Variants in DHRSX observed in about 807,000 individuals in gnomAD.
DHRSX encodes the protein dehydrogenase/reductase X-linked.
In DHRSX, 31 loss-of-function variants were observed where a neutral mutation model predicts 34.0. That is an observed-to-expected ratio of 0.91 (90% confidence interval 0.69 to 1.23). The LOEUF is 1.23. DHRSX is among the 50% of genes most tolerant of loss of function. DHRSX has a pLI of 0.00. For synonymous variants in DHRSX, 201 were observed against 183.8 expected, an observed-to-expected ratio of 1.09 and a Z score of -0.76; for missense variants, 414 against 428.1, an observed-to-expected ratio of 0.97 and a Z score of 0.29.
At chrX:2,499,544 G>A (rs1281148377) in intron 1 of DHRSX, among the ~76,000 whole-genome samples, 1 of 152,174 alleles carries the variant, frequency 6.6e-6, no homozygotes, top group South Asian at 2.1e-4. Context: ...GCCCAGACTG[G>A]AGGATTGCTG....
At chrX:2,282,433 G>C (rs1393996789) in intron 4 of DHRSX, among the ~76,000 whole-genome samples, 6 of 149,368 alleles carry the variant, frequency 4.0e-5, no homozygotes, top group African/African-American at 7.4e-5. Context: ...GGAAGGCAAA[G>C]GAGAGAGGAG....
chrX:2,431,822 G>C (rs746758305), intron 1 of DHRSX, among the ~76,000 whole-genome samples: 1 of 152,204 alleles, frequency 6.6e-6, no homozygotes, highest in South Asian at 2.1e-4. Context: ...CCTGGGTGAC[G>C]GGATCCTTGT....
At chrX:2,395,787 C>T (rs192912692) in intron 3 of DHRSX, among the ~76,000 whole-genome samples, 5 of 152,204 alleles carry the variant, frequency 3.3e-5, no homozygotes, top group Non-Finnish European at 7.4e-5. Flanking sequence ...AGTTCTTGTC[C>T]CATGACCTGG....
chrX:2,468,205 C>T (rs1016982450), intron 1 of DHRSX, among the ~76,000 whole-genome samples: 1 of 152,122 alleles, frequency 6.6e-6, no homozygotes, highest in Admixed American at 6.6e-5. Context: ...GGCTGGGGAG[C>T]TGCAGTTCCA....
chrX:2,260,707 C>T (rs945678264), intron 5 of DHRSX, among the ~76,000 whole-genome samples: 1 of 152,012 alleles, frequency 6.6e-6, no homozygotes, highest in Non-Finnish European at 1.5e-5. Context: ...GTGATCTGCT[C>T]ACCTTGGCCT....
intron 1 of DHRSX, among the ~76,000 whole-genome samples, chrX:2,469,585 G>A (rs190848312): frequency 6.6e-6 from 1 of 151,188 alleles, no homozygotes; most frequent in Non-Finnish European, 1.5e-5. Context: ...CACTGAAGAC[G>A]TTCCCTAAGC....
At chrX:2,314,436 A>AG (rs1431399662) in intron 3 of DHRSX, among the ~76,000 whole-genome samples, 2 of 99,236 alleles carry the variant, frequency 2.0e-5, no homozygotes, top group African/African-American at 8.9e-5. Flanking sequence ...GGGAGAAGGG[A>AG]GGAAGGAAGG....
chrX:2,262,417 C>T (rs1345017243), intron 5 of DHRSX, among the ~76,000 whole-genome samples: 1 of 152,056 alleles, frequency 6.6e-6, no homozygotes, highest in Non-Finnish European at 1.5e-5. Context: ...TGGCACGCAC[C>T]TCACCTGTGT....
At chrX:2,223,548 C>T (rs764956608) in intron 6 of DHRSX, among the ~76,000 whole-genome samples, 1 of 151,988 alleles carries the variant, frequency 6.6e-6, no homozygotes, top group East Asian at 1.9e-4. Context: ...CCGTGTCTTG[C>T]CCTGGGCATC....
chrX:2,462,184 C>CAA (rs11358005), intron 1 of DHRSX, among the ~76,000 whole-genome samples: 5 of 119,306 alleles, frequency 4.2e-5, no homozygotes, highest in African/African-American at 3.1e-5. Context: ...ATTAGTGCCT[C>CAA]AAAAAAAAAA....
At chrX:2,381,861 C>A (rs1238559226) in intron 3 of DHRSX, among the ~76,000 whole-genome samples, 9 of 139,794 alleles carry the variant, frequency 6.4e-5, no homozygotes, top group Non-Finnish European at 3.1e-5. Context: ...TTCCTGAAAA[C>A]TTCCAGCCTG....
intron 5 of DHRSX, among the ~76,000 whole-genome samples, chrX:2,252,788 T>C (rs1464797231): frequency 1.3e-5 from 2 of 151,986 alleles, no homozygotes; most frequent in Admixed American, 1.3e-4. Flanking sequence ...GGGTTAGGGA[T>C]GAAGAAATAT....
At chrX:2,442,130 G>A (rs1430450092) in intron 1 of DHRSX, among the ~76,000 whole-genome samples, 1 of 152,012 alleles carries the variant, frequency 6.6e-6, no homozygotes, top group Non-Finnish European at 1.5e-5. Context: ...ATTATATACT[G>A]CATTCTTACA....
At chrX:2,360,359 C>T (rs751521855) in intron 3 of DHRSX, among the ~76,000 whole-genome samples, 45 of 152,092 alleles carry the variant, frequency 3.0e-4, no homozygotes, top group East Asian at 9.7e-4. Context: ...CCAAGGTGGG[C>T]GGATCACGAG....
chrX:2,271,734 C>T (rs1250742368), intron 4 of DHRSX, among the ~76,000 whole-genome samples: 1 of 152,076 alleles, frequency 6.6e-6, no homozygotes, highest in African/African-American at 2.4e-5. Flanking sequence ...TCAGAATTCA[C>T]CTCAGGAGTT....
chrX:2,449,389 G>C (rs1031130541), intron 1 of DHRSX, among the ~76,000 whole-genome samples: 4 of 152,148 alleles, frequency 2.6e-5, no homozygotes, highest in Admixed American at 6.5e-5. Flanking sequence ...TACATGCAAG[G>C]TGCACTGAGA....
At chrX:2,368,186 T>C (rs1021357433) in intron 3 of DHRSX, among the ~76,000 whole-genome samples, 1 of 150,046 alleles carries the variant, frequency 6.7e-6, no homozygotes, top group Admixed American at 6.7e-5. Context: ...GAGGTTGCAG[T>C]GAGCCAAGAT....
chrX:2,470,994 T>C (rs1233547822), intron 1 of DHRSX, among the ~76,000 whole-genome samples: 1 of 152,236 alleles, frequency 6.6e-6, no homozygotes, highest in Non-Finnish European at 1.5e-5. Flanking sequence ...AATGTGATTG[T>C]TAATATGGTA....
intron 3 of DHRSX, among the ~76,000 whole-genome samples, chrX:2,385,610 T>A (rs1349017614): frequency 6.6e-6 from 1 of 152,154 alleles, no homozygotes; most frequent in Non-Finnish European, 1.5e-5. Context: ...GATTAATTCC[T>A]TCAGAGGTTT....
Sources: allele counts gnomAD v4.1 joint callset (sites outside exome capture counted in the v4.1 genomes callset), GRCh38; gene constraint gnomAD v4.1.1; transcripts MANE v1.5; gene names NCBI Gene and HGNC (gene_info 2026-07-23, HGNC 2026-07-21).